THSD7A: variants seen among roughly 807,000 people sequenced by gnomAD.
THSD7A encodes thrombospondin type 1 domain containing 7A, also known as thrombospondin type-1 domain-containing protein 7A.
A neutral mutation model predicts 231.3 loss-of-function variants in THSD7A; 96 were observed. The ratio of observed to expected loss-of-function variants is 0.41; its 90% confidence interval spans 0.35 to 0.49. The LOEUF (loss-of-function observed/expected upper bound fraction) is 0.49. THSD7A is among the 20% of genes least tolerant of loss of function. The pLI is 0.05. For synonymous variants in THSD7A, 940 were observed against 743.3 expected (o/e 1.26, Z -4.30); for missense variants, 2,290 against 2,070.2 (o/e 1.11, Z -2.06).
intron 6 of THSD7A, among the ~76,000 whole-genome samples, chr7:11,497,409 A>G (rs1787147181): frequency 6.6e-6 from 1 of 152,064 alleles, no homozygotes; most frequent in South Asian, 2.1e-4. Flanking sequence ...TGTCAAATAT[A>G]AAACTAATGG....
intron 9 of THSD7A, among the ~76,000 whole-genome samples, chr7:11,469,501 T>G (rs1785847591): frequency 6.6e-6 from 1 of 152,156 alleles, no homozygotes; most frequent in African/African-American, 2.4e-5. Context: ...TGGTCCCATG[T>G]TATTTTTTGC....
intron 9 of THSD7A, among the ~76,000 whole-genome samples, chr7:11,466,766 C>G (rs975674031): frequency 6.6e-6 from 1 of 152,222 alleles, no homozygotes. Flanking sequence ...AGAGCCGATT[C>G]CCGAGTTGGC....
chr7:11,695,424 C>T (rs1780357856), intron 1 of THSD7A, among the ~76,000 whole-genome samples: 1 of 151,464 alleles, frequency 6.6e-6, no homozygotes, highest in Non-Finnish European at 1.5e-5. Context: ...TCTGGATCCT[C>T]AATAGCCTAC....
At chr7:11,455,588 G>A (rs532957751) in intron 11 of THSD7A, among the ~76,000 whole-genome samples, 100 of 151,964 alleles carry the variant, frequency 6.6e-4, no homozygotes, top group African/African-American at 2.1e-3. Flanking sequence ...AAACTTTCAG[G>A]AATATATAAA....
intron 1 of THSD7A, among the ~76,000 whole-genome samples, chr7:11,782,521 A>G (rs914082891): frequency 6.6e-6 from 1 of 152,186 alleles, no homozygotes; most frequent in African/African-American, 2.4e-5. Context: ...GTAATCTTTT[A>G]GCCCTAGGAA....
At chr7:11,696,165 G>C (rs1451009361) in intron 1 of THSD7A, among the ~76,000 whole-genome samples, 3 of 151,362 alleles carry the variant, frequency 2.0e-5, no homozygotes, top group African/African-American at 7.3e-5. Flanking sequence ...CATTGTATTG[G>C]GATTACTGTG....
Position 11,561,316 on chromosome 7 carries a change from C to T in THSD7A, c.1454-18199G>A, listed in dbSNP as rs1044321083. 2.6e-5 allele frequency among the ~76,000 whole-genome samples: 4 copies of T among 152,238 alleles called. No individual in the cohort carries two copies. In the East Asian group the frequency reaches 7.7e-4, roughly 29 times the overall value. On this transcript the variant is annotated intron_variant, in intron 4 of 27. Coordinates refer to ENST00000423059, the MANE Select transcript of THSD7A (RefSeq NM_015204.3). Reference sequence around the variant, plus strand: ...ATGTAGTAACATAATATGATTGAGGCTATCAAGATAATCACATATCAAACC... The same window carrying T: ...ATGTAGTAACATAATATGATTGAGGTTATCAAGATAATCACATATCAAACC...
At position 11,660,436 on chromosome 7, in the gene THSD7A, G is replaced by A. The variant is rs139830669; in HGVS notation, c.191-23475C>T. 6.3e-3 allele frequency among the ~76,000 whole-genome samples: 961 copies of A among 151,464 alleles called. 11 individuals carry two copies. The highest frequency in any genetic ancestry group is 0.02 in the African/African-American group (828 of 41,430). On this transcript the variant is annotated intron_variant, in intron 1 of 27. Transcript: ENST00000423059. The stretch of plus-strand genomic sequence containing the variant: ...ACATTACAAACAAAGTAATAATATA[G>A]GGCCTTACATGATTTTATGTTATGC...
rs575245706 is a variant in THSD7A, at chr7:11,764,079, A to G, written c.190+67678T>C. ...AAAAGAATGTAAATAAATCCTGCAA[A>G]TCTTCATAATTACCAATGTATTGTT... is the stretch of plus-strand genomic sequence containing the variant. On this transcript the variant is annotated intron_variant, in intron 1 of 27. Coordinates refer to ENST00000423059, the MANE Select transcript of THSD7A (RefSeq NM_015204.3). Among the ~76,000 whole-genome samples, 357 of 152,298 alleles carry G rather than the reference A, an allele frequency of 2.3e-3. 1 individual carries two copies. The highest frequency in any genetic ancestry group is 4.2e-3 in the Non-Finnish European group (284 of 68,018).
At chr7:11,385,362 G>C (rs1397978849) in intron 23 of THSD7A, 2 of 152,116 alleles carry the variant, frequency 1.3e-5, no homozygotes, top group South Asian at 4.1e-4. Flanking sequence ...TTCTGTTATT[G>C]ATTCCAAGAG....
chr7:11,697,716 G>C (rs1270711705), intron 1 of THSD7A, among the ~76,000 whole-genome samples: 1 of 151,272 alleles, frequency 6.6e-6, no homozygotes, highest in Non-Finnish European at 1.5e-5. Flanking sequence ...GATGAGAGAA[G>C]CAAGTGTTAT....
In THSD7A at chr7:11,391,644, C is replaced by T. The variant is rs564959742; in HGVS notation, c.4412-9028G>A. Among the ~76,000 whole-genome samples, 33 of 152,192 alleles carry T rather than the reference C, an allele frequency of 2.2e-4. 1 individual carries two copies. Among genetic ancestry groups the T allele is most frequent in the South Asian group, 8.3e-4 (4 of 4,832 alleles). ...GAATGGTTCTGTCCTGCTGGCATTC[C>T]AGGTGCCATTGGGGTATGAAAAAAA... is the stretch of plus-strand genomic sequence containing the variant. On this transcript the variant is annotated intron_variant, in intron 23 of 27. Coordinates refer to ENST00000423059, the MANE Select transcript of THSD7A (RefSeq NM_015204.3).
intron 6 of THSD7A, among the ~76,000 whole-genome samples, chr7:11,536,602 G>C (rs924849157): frequency 6.6e-6 from 1 of 152,136 alleles, no homozygotes; most frequent in Non-Finnish European, 1.5e-5. Context: ...AATCCTCCTA[G>C]TGAATCACTA....
At chr7:11,702,678 G>A (rs1266925051) in intron 1 of THSD7A, among the ~76,000 whole-genome samples, 1 of 151,078 alleles carries the variant, frequency 6.6e-6, no homozygotes, top group Admixed American at 6.6e-5. Flanking sequence ...GGGAATCTTG[G>A]GGAGTCATTT....
chr7:11,580,948 G>C (rs550929189), intron 4 of THSD7A, among the ~76,000 whole-genome samples: 1 of 152,152 alleles, frequency 6.6e-6, no homozygotes, highest in East Asian at 1.9e-4. Flanking sequence ...TAAATCAGTG[G>C]TGTAACCTAA....
At chr7:11,815,330 C>A (rs980705180) in intron 1 of THSD7A, among the ~76,000 whole-genome samples, 6 of 151,950 alleles carry the variant, frequency 3.9e-5, no homozygotes, top group African/African-American at 1.4e-4. Context: ...GGTATTACTT[C>A]TCTTAACCAG....
intron 4 of THSD7A, among the ~76,000 whole-genome samples, chr7:11,553,386 C>T (rs190962505): frequency 1.7e-4 from 26 of 152,052 alleles, no homozygotes; most frequent in African/African-American, 2.4e-5. Flanking sequence ...AACTGTAAGA[C>T]GATTACATTT....
At chr7:11,739,902 G>C (rs1351933104) in intron 1 of THSD7A, among the ~76,000 whole-genome samples, 2 of 151,938 alleles carry the variant, frequency 1.3e-5, no homozygotes, top group African/African-American at 2.4e-5. Context: ...GGCAGAGAAG[G>C]TGGAAGAGCT....
At chr7:11,710,153 G>T (rs1159134481) in intron 1 of THSD7A, among the ~76,000 whole-genome samples, 4 of 150,620 alleles carry the variant, frequency 2.7e-5, no homozygotes, top group Non-Finnish European at 1.5e-5. Flanking sequence ...GTAAGTATAG[G>T]GTGAAGCCTA....
Sources: gnomAD v4.1 joint callset for allele counts (sites outside exome capture counted in the v4.1 genomes callset) on GRCh38, gnomAD v4.1.1 for gene constraint, MANE v1.5 for transcripts, NCBI Gene and HGNC (gene_info 2026-07-23, HGNC 2026-07-21) for gene names.